The following GCFC2 variants were observed in gnomAD, a reference collection of about 807,000 sequenced individuals.
GCFC2 encodes the protein GC-rich sequence DNA-binding factor 2.
GCFC2 carries 102 observed loss-of-function variants against 99.4 expected under a neutral mutation model. That is an observed-to-expected ratio of 1.03 (90% CI 0.87 to 1.21). GCFC2 has a LOEUF of 1.21. Among genes scored for constraint, GCFC2 ranks in the 50% most tolerant of loss-of-function variants. The pLI is 0.00. For synonymous variants in GCFC2, 338 were observed against 316.8 expected (o/e 1.07, Z -0.71); for missense variants, 973 against 920.9 (o/e 1.06, Z -0.73).
chr2:75,693,761 G>T (rs1680188333), intron 6 of GCFC2, among the ~76,000 whole-genome samples: 1 of 151,754 alleles, frequency 6.6e-6, no homozygotes, highest in Non-Finnish European at 1.5e-5. Flanking sequence ...TTTCCACTAA[G>T]AACCACAAAG....
intron 12 of GCFC2, among the ~76,000 whole-genome samples, chr2:75,677,510 C>A (rs1223121307): frequency 1.3e-5 from 2 of 152,180 alleles, no homozygotes; most frequent in Non-Finnish European, 2.9e-5. Context: ...ACCTAGTGGG[C>A]ACAAGCCAGG....
intron 11 of GCFC2, among the ~76,000 whole-genome samples, chr2:75,680,584 G>T (rs1193920873): frequency 6.6e-6 from 1 of 152,078 alleles, no homozygotes; most frequent in Non-Finnish European, 1.5e-5. Flanking sequence ...ATAAAAAGTG[G>T]CTGGAAAAAC....
upstream of GCFC2, among the ~76,000 whole-genome samples, chr2:75,712,317 C>G (rs1681221350): frequency 6.6e-6 from 1 of 152,096 alleles, no homozygotes; most frequent in Admixed American, 6.5e-5. Flanking sequence ...CTGTGTTTAG[C>G]TCAAGGTTTG....
At chr2:75,680,891 T>A (rs1246366725) in intron 11 of GCFC2, among the ~76,000 whole-genome samples, 1 of 152,214 alleles carries the variant, frequency 6.6e-6, no homozygotes, top group Non-Finnish European at 1.5e-5. Flanking sequence ...TACCTACATC[T>A]GTGCCGATAT....
intron 12 of GCFC2, 79 bp from the exon 13 acceptor site, chr2:75,673,599 G>A: frequency 1.5e-6 from 1 of 686,038 alleles, no homozygotes; most frequent in African/African-American, 1.8e-5. Flanking sequence ...TTTAACTGCA[G>A]TACAAATTTA....
chr2:75,672,838 C>T (rs2104228058), intron 13 of GCFC2, among the ~76,000 whole-genome samples: 1 of 152,238 alleles, frequency 6.6e-6, no homozygotes, highest in South Asian at 2.1e-4. Flanking sequence ...GACGTGTGCT[C>T]TTTACCACTC....
rs948648357 is a variant in GCFC2 at position 75,710,722 on chromosome 2, G to C, written c.134C>G (p.Pro45Arg). ...CTGCGCGCGGCCTCCTCCAGAGGGC[G>C]GCTCTTCCTCCGCAGAACCCGGGAC... ...LPVPGSAEEE[P>R]PSGGGRAQVA... The change falls in exon 1 of 17, where the codon CCG (proline) becomes CGG (arginine). Residue 45 changes from proline to arginine, a missense_variant. Coordinates refer to ENST00000321027, the MANE Select transcript of GCFC2 (RefSeq NM_003203.5). 2 of 1,553,310 alleles carry C rather than the reference G, an allele frequency of 1.3e-6. No individual in the cohort carries two copies. The highest frequency in any genetic ancestry group is 3.7e-5 in the Admixed American group (2 of 54,452).
intron 3 of GCFC2, chr2:75,701,997 A>G: frequency 7.4e-7 from 1 of 1,351,686 alleles, no homozygotes; most frequent in Non-Finnish European, 9.5e-7. Context: ...ATTAATAAAC[A>G]TTATTACACA....
upstream of GCFC2, among the ~76,000 whole-genome samples, chr2:75,712,739 G>A (rs1681240384): frequency 6.6e-6 from 1 of 151,990 alleles, no homozygotes; most frequent in African/African-American, 2.4e-5. Flanking sequence ...CCACCAGAAG[G>A]AAGAAACTCC....
upstream of GCFC2, chr2:75,711,330 C>T (rs7562857): frequency 0.036 from 12,493 of 347,712 alleles, 1,515 homozygotes; most frequent in African/African-American, 0.26. Context: ...GAGGAGATGC[C>T]TTTGAGAACA....
intron 1 of GCFC2, among the ~76,000 whole-genome samples, chr2:75,707,262 A>T (rs1031711069): frequency 6.6e-6 from 1 of 152,196 alleles, no homozygotes; most frequent in Non-Finnish European, 1.5e-5. Context: ...CCATGGGTCC[A>T]TCTTTTCAAT....
intron 4 of GCFC2, among the ~76,000 whole-genome samples, chr2:75,700,303 AAC>A (rs1433536618): frequency 6.6e-6 from 1 of 152,234 alleles, no homozygotes; most frequent in African/African-American, 2.4e-5. Flanking sequence ...GCAGAAATGT[AAC>A]AGTTACATAT....
intron 4 of GCFC2, among the ~76,000 whole-genome samples, chr2:75,696,953 T>A (rs1211876710): frequency 6.6e-6 from 1 of 152,006 alleles, no homozygotes; most frequent in Non-Finnish European, 1.5e-5. Context: ...GCCTGGTGAA[T>A]TTTTTTGTAT....
chr2:75,673,146 T>C (rs1446151504), intron 13 of GCFC2, among the ~76,000 whole-genome samples: 1 of 151,984 alleles, frequency 6.6e-6, no homozygotes, highest in Non-Finnish European at 1.5e-5. Flanking sequence ...CCATCTCTAC[T>C]AAATATACAA....
chr2:75,712,600 C>T (rs1016016877), upstream of GCFC2, among the ~76,000 whole-genome samples: 1 of 152,170 alleles, frequency 6.6e-6, no homozygotes, highest in Non-Finnish European at 1.5e-5. Context: ...AGTGTGGAAG[C>T]TTTGTTCTTT....
chr2:75,703,539 G>A (rs963858890), intron 2 of GCFC2, among the ~76,000 whole-genome samples: 3 of 152,172 alleles, frequency 2.0e-5, no homozygotes, highest in Non-Finnish European at 4.4e-5. Flanking sequence ...TATTCATCAA[G>A]AACAAGTAAT....
At chr2:75,673,942 C>T (rs1364671390) in intron 12 of GCFC2, among the ~76,000 whole-genome samples, 3 of 152,194 alleles carry the variant, frequency 2.0e-5, no homozygotes, top group Admixed American at 6.5e-5. Flanking sequence ...AGAATAGTGG[C>T]ATCCCATTTA....
intron 13 of GCFC2, among the ~76,000 whole-genome samples, chr2:75,673,024 T>C (rs771158899): frequency 5.9e-5 from 9 of 152,124 alleles, no homozygotes; most frequent in Non-Finnish European, 1.2e-4. Context: ...GAAAACACTA[T>C]AGTTGGCCGG....
intron 14 of GCFC2, 138 bp from the exon 15 acceptor site, chr2:75,670,422 A>G (rs933735981): frequency 7.0e-5 from 38 of 542,726 alleles, no homozygotes; most frequent in African/African-American, 5.4e-4. Flanking sequence ...TTAGAATACA[A>G]TATCTCTGAA....
Sources: allele counts gnomAD v4.1 joint callset (sites outside exome capture counted in the v4.1 genomes callset), GRCh38; gene constraint gnomAD v4.1.1; transcripts MANE v1.5; gene names NCBI Gene and HGNC (gene_info 2026-07-23, HGNC 2026-07-21).